LRGUK: variants seen among roughly 807,000 people sequenced by gnomAD.
LRGUK encodes leucine rich repeats and guanylate kinase domain containing, also known as leucine-rich repeat and guanylate kinase domain-containing protein.
Under a neutral mutation model 76.0 loss-of-function variants are expected in LRGUK, and 65 were observed. The ratio of observed to expected loss-of-function variants is 0.85; its 90% confidence interval spans 0.70 to 1.05. The LOEUF (loss-of-function observed/expected upper bound fraction) is 1.05, where lower values mean the gene tolerates loss of function less well. Ranked by LOEUF, LRGUK falls within the 50% of genes least tolerant of loss-of-function variation. The pLI is 0.00. For synonymous variants in LRGUK, 268 were observed against 265.6 expected (o/e 1.01, Z -0.09); for missense variants, 758 against 732.8 (o/e 1.03, Z -0.40).
chr7:134,250,508 A>T (rs1427738986), intron 18 of LRGUK, among the ~76,000 whole-genome samples: 1 of 152,204 alleles, frequency 6.6e-6, no homozygotes, highest in African/African-American at 2.4e-5. Flanking sequence ...GGGATATTTT[A>T]TGATGGTGAT....
intron 2 of LRGUK, among the ~76,000 whole-genome samples, chr7:134,137,924 T>G (rs1797603780): frequency 6.6e-6 from 1 of 152,214 alleles, no homozygotes; most frequent in African/African-American, 2.4e-5. Context: ...TAATTCACTA[T>G]AAGCCTGTTC....
chr7:134,214,992 C>T (rs1585567551), downstream of LRGUK, among the ~76,000 whole-genome samples: 1 of 152,102 alleles, frequency 6.6e-6, no homozygotes, highest in East Asian at 1.9e-4. Flanking sequence ...TTTAGTTGGA[C>T]TGGCTAAAAT....
At chr7:134,174,236 G>A (rs1018205324) in intron 7 of LRGUK, among the ~76,000 whole-genome samples, 2 of 152,096 alleles carry the variant, frequency 1.3e-5, no homozygotes, top group Non-Finnish European at 2.9e-5. Flanking sequence ...ATCCTTGGGT[G>A]CATTTTTGTA....
At chr7:134,276,389 T>C in the LRGUK span, among the ~76,000 whole-genome samples, 1 of 152,124 alleles carries the variant, frequency 6.6e-6, no homozygotes, top group Non-Finnish European at 1.5e-5. Flanking sequence ...TTGCTAGGAG[T>C]CTGACTTTAG....
intron 16 of LRGUK, among the ~76,000 whole-genome samples, chr7:134,240,399 T>A (rs1310924229): frequency 6.6e-6 from 1 of 152,154 alleles, no homozygotes; most frequent in African/African-American, 2.4e-5. Context: ...AGAACTACAT[T>A]ATGCATGCAC....
chr7:134,194,897 A>G (rs1259244793), intron 12 of LRGUK, among the ~76,000 whole-genome samples: 2 of 152,174 alleles, frequency 1.3e-5, no homozygotes, highest in Non-Finnish European at 2.9e-5. Flanking sequence ...GAGAATTGCA[A>G]TAGAGAAAGA....
chr7:134,148,716 G>A lies in LRGUK; in HGVS notation c.670+397G>A, dbSNP rs996403217. ...CAAGGCAGGTGGATCACCTGAGGTCGGAGTTCAAGACCAGCCTGGCCAACA... is the reference window on the plus strand; with the variant it reads ...CAAGGCAGGTGGATCACCTGAGGTCAGAGTTCAAGACCAGCCTGGCCAACA... On this transcript the variant is annotated intron_variant, in intron 5 of 15. Transcript: ENST00000645682. 7.2e-5 allele frequency among the ~76,000 whole-genome samples: 11 copies of A among 152,018 alleles called. No individual in the cohort carries two copies. The East Asian group carries it at 1.2e-3, about 16-fold the overall frequency.
chr7:134,224,848 T>C (rs1242826168), intron 16 of LRGUK, among the ~76,000 whole-genome samples: 1 of 151,890 alleles, frequency 6.6e-6, no homozygotes, highest in African/African-American at 2.4e-5. Context: ...GTCAAGAGAT[T>C]GAGACCATCC....
intron 11 of LRGUK, among the ~76,000 whole-genome samples, chr7:134,185,496 C>T (rs1440721729): frequency 6.6e-6 from 1 of 151,634 alleles, no homozygotes; most frequent in Admixed American, 6.6e-5. Context: ...CCATTGCATT[C>T]CAGCCTGGGC....
chr7:134,238,687 A>AT (rs907988195), intron 16 of LRGUK, among the ~76,000 whole-genome samples: 26 of 151,466 alleles, frequency 1.7e-4, no homozygotes, highest in Admixed American at 1.2e-3. Context: ...TAGATTGCAG[A>AT]TTTTTTTTCT....
intron 9 of LRGUK, among the ~76,000 whole-genome samples, chr7:134,177,384 T>A (rs1456711457): frequency 6.6e-6 from 1 of 152,192 alleles, no homozygotes; most frequent in East Asian, 1.9e-4. Flanking sequence ...AACTTTCCTG[T>A]TTGGAAGGTG....
intron 15 of LRGUK, among the ~76,000 whole-genome samples, chr7:134,220,020 T>C (rs1801544586): frequency 6.6e-6 from 1 of 152,166 alleles, no homozygotes; most frequent in Non-Finnish European, 1.5e-5. Context: ...TATTAGAATG[T>C]AATCCCCACA....
At chr7:134,172,342 A>G (rs558521132) in intron 7 of LRGUK, among the ~76,000 whole-genome samples, 2 of 152,310 alleles carry the variant, frequency 1.3e-5, no homozygotes, top group South Asian at 4.1e-4. Flanking sequence ...AATATTTCAC[A>G]TATAGAAATT....
chr7:134,263,882 T>C (rs1361092869), exon 20 of LRGUK: 1 of 1,611,300 alleles, frequency 6.2e-7, no homozygotes, highest in Admixed American at 1.7e-5. Context: ...AAAAAGAGTC[T>C]CACCAACACA....
intron 1 of LRGUK, 42 bp from the exon 2 acceptor site, chr7:134,136,981 A>G: frequency 7.1e-7 from 1 of 1,416,016 alleles, no homozygotes; most frequent in Non-Finnish European, 9.9e-7. Context: ...TTCTTTTCTA[A>G]TGAGAATCTT....
At chr7:134,150,011 T>C (rs1404400405) in intron 5 of LRGUK, among the ~76,000 whole-genome samples, 2 of 152,030 alleles carry the variant, frequency 1.3e-5, no homozygotes, top group Non-Finnish European at 2.9e-5. Flanking sequence ...CGTGGTGGCT[T>C]ATGCCTGTGA....
At chr7:134,159,097 G>A (rs1428116013) in intron 6 of LRGUK, among the ~76,000 whole-genome samples, 1 of 152,126 alleles carries the variant, frequency 6.6e-6, no homozygotes, top group Non-Finnish European at 1.5e-5. Context: ...CAGCACTTTG[G>A]GAGGCTGAGG....
In LRGUK at chr7:134,244,217, T is replaced by C. The variant is rs541053823; in HGVS notation, c.1984-3339T>C. On this transcript the variant is annotated intron_variant, in intron 16 of 19. Coordinates refer to the LRGUK transcript ENST00000285928. ...ATTGACAAATGGGATATAATTAAAC[T>C]AAAGAGCTTCTGCACAGCAAAAGAA... Among the ~76,000 whole-genome samples, 8 of 152,180 alleles carry C rather than the reference T, an allele frequency of 5.3e-5. No individual in the cohort carries two copies. The South Asian group carries it at 1.7e-3, about 32-fold the overall frequency.
chr7:134,136,744 G>GC (rs910567267), intron 1 of LRGUK, among the ~76,000 whole-genome samples: 3 of 152,212 alleles, frequency 2.0e-5, no homozygotes, highest in African/African-American at 7.2e-5. Context: ...TGATACTGCT[G>GC]CTTCTACTGC....
Sources: allele counts gnomAD v4.1 joint callset (sites outside exome capture counted in the v4.1 genomes callset), GRCh38; gene constraint gnomAD v4.1.1; transcripts MANE v1.5; gene names NCBI Gene and HGNC (gene_info 2026-07-23, HGNC 2026-07-21).